The following FAM162B variants were observed in gnomAD, a reference collection of about 807,000 sequenced individuals.
FAM162B encodes family with sequence similarity 162 member B.
In FAM162B, 16 loss-of-function variants were observed where a neutral mutation model predicts 20.0. The ratio of observed to expected loss-of-function variants is 0.80; its 90% CI spans 0.54 to 1.21. The LOEUF is 1.21. FAM162B is among the 50% of genes most tolerant of loss of function. The pLI, the probability that FAM162B is intolerant of heterozygous loss-of-function variation, is 0.00. For synonymous variants in FAM162B, 83 were observed against 89.7 expected (o/e 0.93, Z 0.42); for missense variants, 260 against 227.5 (o/e 1.14, Z -0.92).
chr6:116,758,152 G>C lies in FAM162B; in HGVS notation c.390+3825C>G, dbSNP rs577909632. On this transcript the variant is annotated intron_variant, in intron 3 of 3. Transcript: ENST00000368557. ...TCCACGCAATTAATAAGAGCTTCTAGATTGGAGCAAGAATCATTTACAATA... is the reference window on the plus strand; with the variant it reads ...TCCACGCAATTAATAAGAGCTTCTACATTGGAGCAAGAATCATTTACAATA... 2.6e-5 allele frequency among the ~76,000 whole-genome samples: 4 copies of C among 152,288 alleles called. No homozygotes were observed. In the East Asian group the frequency reaches 7.7e-4, roughly 29 times the overall value.
chr6:116,765,590 C>A lies in FAM162B; in HGVS notation c.-14G>T, dbSNP rs1040844766. The A allele has an allele frequency of 7.6e-7, 1 of 1,317,050 alleles. No individual in the cohort carries two copies. The highest frequency in any genetic ancestry group is 3.8e-5 in the Admixed American group (1 of 26,536). 81.6% of individuals were successfully genotyped at this position (1,317,050 alleles called of 1,614,324 possible). A position where few individuals can be genotyped will look rare whatever the true frequency, so the allele number is the denominator to read the frequency against. On this transcript the variant is annotated 5_prime_UTR_variant, in exon 1 of 4. Transcript: ENST00000368557. ...CGCCCTGAGCATGCTGCCCGCTTGT[C>A]CCGCGCCGCACCCGCACCTCCGGAC...
intron 3 of FAM162B, 41 bp downstream of exon 3, chr6:116,761,932 GTACT>G (rs1562468930): frequency 3.5e-6 from 5 of 1,418,934 alleles, no homozygotes; most frequent in Non-Finnish European, 3.9e-6. Context: ...TTAAAAAGAG[GTACT>G]TACCCTTTTA....
In FAM162B at chr6:116,765,473, A is replaced by C. The variant is rs1214004414; in HGVS notation, c.104T>G (p.Leu35Arg). 7.0e-7 allele frequency: 1 copy of C among 1,419,686 alleles called. No individual in the cohort carries two copies. Among genetic ancestry groups the C allele is most frequent in the Admixed American group, 3.1e-5 (1 of 32,210 alleles). 87.9% of individuals were successfully genotyped at this position (1,419,686 alleles called of 1,614,324 possible). ...LEATRRPAPA[L>R]PPRGLPCYSS... is the part of the protein sequence containing the mutation. ...GTAGCAGGGGAGACCCCGGGGCGGA[A>C]GAGCCGGTGCGGGCCGTCGCGTGGC... The change falls in exon 1 of 4, where the codon CTT (leucine) becomes CGT (arginine). Residue 35 changes from leucine to arginine, a missense_variant. Leu to Arg is a moderately radical substitution (Grantham distance 102). Coordinates refer to ENST00000368557, the MANE Select transcript of FAM162B (RefSeq NM_001085480.3).
chr6:116,761,955 G>T, intron 3 of FAM162B, 22 bp downstream of exon 3: 1 of 1,543,510 alleles, frequency 6.5e-7, no homozygotes, highest in Non-Finnish European at 8.9e-7. Flanking sequence ...TAACTGACTT[G>T]CCCTTTTAAG....
chr6:116,756,343 C>A (rs1409326600), intron 3 of FAM162B, among the ~76,000 whole-genome samples: 2 of 152,150 alleles, frequency 1.3e-5, no homozygotes, highest in African/African-American at 2.4e-5. Context: ...AGCAACAGAA[C>A]TGGAATTCAT....
At chr6:116,760,061 T>C (rs1249926108) in intron 3 of FAM162B, among the ~76,000 whole-genome samples, 1 of 152,230 alleles carries the variant, frequency 6.6e-6, no homozygotes, top group Admixed American at 6.5e-5. Flanking sequence ...CACTCTCCAT[T>C]TTCCCTACTA....
At chr6:116,763,420 AG>A (rs1218220179) in intron 2 of FAM162B, among the ~76,000 whole-genome samples, 1 of 152,212 alleles carries the variant, frequency 6.6e-6, no homozygotes, top group Non-Finnish European at 1.5e-5. Context: ...TTAGCTTAAC[AG>A]GAATATCTCT....
Position 116,761,731 on chromosome 6 carries a change from T to TAC in FAM162B, c.390+245_390+246insGT, listed in dbSNP as rs1398908004. ...ATATATACTTGTATATATACTTATA[T>TAC]ATACACACACACACACACACACATA... On this transcript the variant is annotated intron_variant, in intron 3 of 3. Transcript: ENST00000368557. Among the ~76,000 whole-genome samples the TAC allele has an allele frequency of 7.8e-3, 1,123 of 144,866 alleles. 8 individuals are homozygous for TAC. The highest frequency in any genetic ancestry group is 9.8e-3 in the Non-Finnish European group (655 of 66,664).
chr6:116,761,682 A>T (rs1355800361), intron 3 of FAM162B, among the ~76,000 whole-genome samples: 5 of 137,682 alleles, frequency 3.6e-5, no homozygotes, highest in South Asian at 2.3e-4. Context: ...TTATATATAC[A>T]TATATACATA....
chr6:116,763,585 C>T (rs1448340243), intron 2 of FAM162B, among the ~76,000 whole-genome samples: 1 of 152,028 alleles, frequency 6.6e-6, no homozygotes, highest in African/African-American at 2.4e-5. Context: ...TGACTATGAT[C>T]TTGGGGAAAT....
intron 3 of FAM162B, among the ~76,000 whole-genome samples, chr6:116,760,913 A>C (rs770030274): frequency 6.6e-6 from 1 of 152,232 alleles, no homozygotes; most frequent in Non-Finnish European, 1.5e-5. Flanking sequence ...AATGGTAATT[A>C]GCTAAATACG....
At chr6:116,762,169 A>T in intron 2 of FAM162B, 84 bp from the exon 3 acceptor site, 2 of 1,107,648 alleles carry the variant, frequency 1.8e-6, no homozygotes, top group East Asian at 5.1e-5. Flanking sequence ...CCATGTAAAC[A>T]TTCCAAAAAA....
At chr6:116,754,481 G>A (rs1415277626) in intron 3 of FAM162B, among the ~76,000 whole-genome samples, 3 of 152,040 alleles carry the variant, frequency 2.0e-5, no homozygotes, top group African/African-American at 7.2e-5. Context: ...TGTCCACTGA[G>A]GTCAAGAAAG....
At chr6:116,765,072 G>A (rs899484136) in intron 2 of FAM162B, 75 bp downstream of exon 2, 2 of 1,447,272 alleles carry the variant, frequency 1.4e-6, no homozygotes, top group Non-Finnish European at 1.9e-6. Context: ...AGGTGGCCGC[G>A]GTCGGAAGGT....
chr6:116,762,576 C>T (rs1771813492), intron 2 of FAM162B, among the ~76,000 whole-genome samples: 1 of 151,930 alleles, frequency 6.6e-6, no homozygotes, highest in African/African-American at 2.4e-5. Flanking sequence ...CCCCAAAAGA[C>T]ACACTATTAT....
At position 116,765,225 on chromosome 6, in the gene FAM162B, C is replaced by T. The variant is rs919743580; in HGVS notation, c.203G>A (p.Arg68Lys). The T allele has an allele frequency of 1.2e-6, 2 of 1,613,928 alleles. No individual in the cohort carries two copies. The highest frequency in any genetic ancestry group is 1.1e-5 in the South Asian group (1 of 91,080). ...GEIHRVPTQRRPSQFDKKILL... is the reference protein window; with the variant it reads ...GEIHRVPTQRKPSQFDKKILL... ...GATTTTCTTGTCGAACTGCGAAGGCCTGCGCTGCGTGGGGACTCGGTGAAT... is the reference window on the plus strand; with the variant it reads ...GATTTTCTTGTCGAACTGCGAAGGCTTGCGCTGCGTGGGGACTCGGTGAAT... Residue 68 changes from arginine (R) to lysine (K), a missense_variant, in exon 2 of 4, where the codon AGG becomes AAG. Arg to Lys is a conservative substitution (Grantham distance 26, BLOSUM62 2). Transcript: ENST00000368557.
chr6:116,759,132 T>G (rs1780090481), intron 3 of FAM162B, among the ~76,000 whole-genome samples: 3 of 152,136 alleles, frequency 2.0e-5, no homozygotes. Context: ...CAAGTCTTCC[T>G]ATTCCAAATA....
At position 116,752,731 on chromosome 6, in the gene FAM162B, T is replaced by TATATATATATAGATAGATAG. The variant is rs1554259842; in HGVS notation, c.391-37_391-36insCTATCTATCTATATATATAT. 4 of 426,138 alleles carry TATATATATATAGATAGATAG rather than the reference T, an allele frequency of 9.4e-6. No individual in the cohort carries two copies. The Admixed American group carries it at 1.3e-4, about 14-fold the overall frequency. The allele number at this position is 426,138 out of a possible 1,614,324, so 26.4% of individuals were successfully genotyped here. On this transcript the variant is annotated intron_variant, in intron 3 of 3. Transcript: ENST00000368557. ...GAAGAAATATATATATATATATATATATAGATACACGTATATATATATATA... is the reference window on the plus strand; with the variant it reads ...GAAGAAATATATATATATATATATATATATATATATAGATAGATAGATAGATACACGTATATATATATATA...
chr6:116,757,793 T>C (rs1043934642), intron 3 of FAM162B, among the ~76,000 whole-genome samples: 1 of 149,142 alleles, frequency 6.7e-6, no homozygotes, highest in African/African-American at 2.5e-5. Flanking sequence ...GGAGACCAAC[T>C]GTGTCAAATG....
Sources: allele counts gnomAD v4.1 joint callset (sites outside exome capture counted in the v4.1 genomes callset), GRCh38; gene constraint gnomAD v4.1.1; transcripts MANE v1.5; gene names NCBI Gene and HGNC (gene_info 2026-07-23, HGNC 2026-07-21).